Variants in C12orf42 observed in about 807,000 individuals in gnomAD.
The protein encoded by C12orf42 is uncharacterized protein C12orf42.
A neutral mutation model predicts 21.6 loss-of-function variants in C12orf42; 25 were observed. The ratio of observed to expected loss-of-function variants is 1.16; its 90% confidence interval spans 0.84 to 1.62. The LOEUF (loss-of-function observed/expected upper bound fraction) is 1.62. C12orf42 is among the 40% of genes most tolerant of loss of function. The pLI is 0.00. For missense variants in C12orf42, 483 were observed against 459.3 expected (o/e 1.05, Z -0.47); for synonymous variants, 174 against 175.0 (o/e 0.99, Z 0.05).
At chr12:103,219,789 A>G in the C12orf42 span, among the ~76,000 whole-genome samples, 1 of 152,212 alleles carries the variant, frequency 6.6e-6, no homozygotes, top group Non-Finnish European at 1.5e-5. Flanking sequence ...GTGGACAAAT[A>G]GGAATGCTTA....
intron 2 of C12orf42, among the ~76,000 whole-genome samples, chr12:103,435,149 C>G (rs1180613642): frequency 6.6e-6 from 1 of 152,120 alleles, no homozygotes. Flanking sequence ...ACACTGACAC[C>G]TCACACAGCA....
At chr12:103,148,999 A>T in the C12orf42 span, among the ~76,000 whole-genome samples, 2 of 152,142 alleles carry the variant, frequency 1.3e-5, no homozygotes, top group African/African-American at 4.8e-5. Flanking sequence ...GTCAGTGTAT[A>T]ATCCTTTATT....
the C12orf42 span, among the ~76,000 whole-genome samples, chr12:103,220,843 T>C: frequency 6.6e-6 from 1 of 152,186 alleles, no homozygotes; most frequent in African/African-American, 2.4e-5. Flanking sequence ...CATGAAACAT[T>C]CTTGAACAAT....
the C12orf42 span, among the ~76,000 whole-genome samples, chr12:103,128,509 G>A: frequency 1.3e-4 from 20 of 152,276 alleles, no homozygotes; most frequent in Admixed American, 3.9e-4. Flanking sequence ...AGCAAACTCA[G>A]TACTTCCTAC....
At chr12:103,234,117 T>A (rs1356625174), downstream of C12orf42, among the ~76,000 whole-genome samples, 1 of 152,218 alleles carries the variant, frequency 6.6e-6, no homozygotes, top group African/African-American at 2.4e-5. Flanking sequence ...CATTAATCGA[T>A]TTTTGAATCC....
the C12orf42 span, among the ~76,000 whole-genome samples, chr12:103,140,625 T>G: frequency 1.3e-5 from 2 of 152,096 alleles, no homozygotes; most frequent in Non-Finnish European, 2.9e-5. Context: ...GATGAAGCAT[T>G]TAAACAGAAC....
At chr12:103,374,517 G>T (rs569823088) in intron 3 of C12orf42, among the ~76,000 whole-genome samples, 4 of 152,170 alleles carry the variant, frequency 2.6e-5, no homozygotes, top group Non-Finnish European at 5.9e-5. Flanking sequence ...GTAATTTCTT[G>T]CCTGTTCTGC....
chr12:103,069,628 T>C, the C12orf42 span, among the ~76,000 whole-genome samples: 1 of 152,222 alleles, frequency 6.6e-6, no homozygotes, highest in Non-Finnish European at 1.5e-5. Context: ...TTTACACCAC[T>C]GTAAAGTCTA....
the C12orf42 span, among the ~76,000 whole-genome samples, chr12:103,082,383 A>C: frequency 6.6e-6 from 1 of 152,230 alleles, no homozygotes; most frequent in East Asian, 1.9e-4. Context: ...GGCCTAACCA[A>C]ATCCTAAAAG....
the C12orf42 span, among the ~76,000 whole-genome samples, chr12:103,535,484 T>G: frequency 2.6e-5 from 4 of 152,000 alleles, no homozygotes; most frequent in Non-Finnish European, 5.9e-5. Flanking sequence ...AGTGCTTATA[T>G]GAGGCTACAG....
intron 4 of C12orf42, among the ~76,000 whole-genome samples, chr12:103,280,224 A>C (rs1040908840): frequency 3.3e-5 from 5 of 152,336 alleles, no homozygotes; most frequent in East Asian, 1.9e-4. Context: ...GCTGTGGGTC[A>C]TATAGATTGT....
Position 103,325,921 on chromosome 12 carries a change from G to A in C12orf42, c.260-19576C>T, listed in dbSNP as rs1245216791. ...GCATGGAGAATGAGCATCAGAGAAT[G>A]AGCGATTCTCTGATGAATTGGAGAA... On this transcript the variant is annotated intron_variant, in intron 4 of 5. Coordinates refer to ENST00000548883, the MANE Select transcript of C12orf42 (RefSeq NM_198521.5). Among the ~76,000 whole-genome samples the A allele has an allele frequency of 2.6e-5, 4 of 152,304 alleles. No homozygotes were observed. In the East Asian group the frequency reaches 5.8e-4, roughly 22 times the overall value.
At chr12:103,494,663 T>C (rs984251386) in intron 1 of C12orf42, among the ~76,000 whole-genome samples, 1 of 152,234 alleles carries the variant, frequency 6.6e-6, no homozygotes, top group Admixed American at 6.5e-5. Context: ...TTTCCTCTTC[T>C]TCTCTTAAAG....
Position 103,376,144 on chromosome 12 carries a change from T to C in C12orf42, c.148-7146A>G, listed in dbSNP as rs138684605. Among the ~76,000 whole-genome samples the C allele has an allele frequency of 6.6e-5, 10 of 152,290 alleles. No homozygotes were observed. The East Asian group carries it at 1.9e-3, about 29-fold the overall frequency. Reference sequence around the variant, plus strand: ...CAGCACTCTTTACAATAGCAAAGACTTGGAACCAACCAAAATGCCCATCAA... The same window carrying C: ...CAGCACTCTTTACAATAGCAAAGACCTGGAACCAACCAAAATGCCCATCAA... On this transcript the variant is annotated intron_variant, in intron 3 of 5. Transcript: ENST00000548883.
At chr12:103,288,794 AT>A (rs915650967) in intron 4 of C12orf42, among the ~76,000 whole-genome samples, 10 of 152,258 alleles carry the variant, frequency 6.6e-5, no homozygotes, top group Admixed American at 4.6e-4. Flanking sequence ...TCCTATAACT[AT>A]TTTTTATTAG....
chr12:103,135,430 G>A, the C12orf42 span, among the ~76,000 whole-genome samples: 1 of 149,468 alleles, frequency 6.7e-6, no homozygotes, highest in Non-Finnish European at 1.5e-5. Context: ...CCACTCCAAT[G>A]TAGGCAACAG....
At chr12:103,143,855 T>C in the C12orf42 span, among the ~76,000 whole-genome samples, 5 of 152,258 alleles carry the variant, frequency 3.3e-5, no homozygotes, top group Non-Finnish European at 4.4e-5. Flanking sequence ...ATTTACTATT[T>C]ATGTACAATT....
the C12orf42 span, among the ~76,000 whole-genome samples, chr12:103,065,417 G>A: frequency 1.3e-5 from 2 of 152,132 alleles, no homozygotes; most frequent in Non-Finnish European, 2.9e-5. Context: ...GAAGAAATTT[G>A]CCTTCAGCTG....
chr12:103,320,701 T>A (rs948128443), intron 4 of C12orf42, among the ~76,000 whole-genome samples: 2 of 152,102 alleles, frequency 1.3e-5, no homozygotes, highest in African/African-American at 4.8e-5. Context: ...ATCATCTTTT[T>A]AAAAAGTTGG....
Sources: allele counts gnomAD v4.1 joint callset (sites outside exome capture counted in the v4.1 genomes callset), GRCh38; gene constraint gnomAD v4.1.1; transcripts MANE v1.5; gene names NCBI Gene and HGNC (gene_info 2026-07-23, HGNC 2026-07-21).